The following SPO11 variants were observed in gnomAD, a reference collection of about 807,000 sequenced individuals.
The protein encoded by SPO11 is SPO11 initiator of meiotic double strand breaks.
Under a neutral mutation model 51.6 loss-of-function variants are expected in SPO11, and 49 were observed. The ratio of observed to expected loss-of-function variants is 0.95; its 90% confidence interval spans 0.75 to 1.20. SPO11 has a LOEUF of 1.20. Among genes scored for constraint, SPO11 ranks in the 50% most tolerant of loss-of-function variants. The pLI, the probability that SPO11 is intolerant of heterozygous loss-of-function variation, is 0.00. For missense variants in SPO11, 431 were observed against 473.4 expected (o/e 0.91, Z 0.83); for synonymous variants, 176 against 158.2 (o/e 1.11, Z -0.84).
At chr20:57,339,182 G>A (rs536305476) in intron 10 of SPO11, among the ~76,000 whole-genome samples, 156 bp downstream of exon 10, 10 of 152,074 alleles carry the variant, frequency 6.6e-5, no homozygotes, top group South Asian at 2.1e-4. Flanking sequence ...TCTGTGTGTC[G>A]GTGGCTGTGA....
At chr20:57,334,680 C>T (rs896246677) in intron 5 of SPO11, 70 bp from the exon 6 acceptor site, 12 of 1,240,340 alleles carry the variant, frequency 9.7e-6, no homozygotes, top group Admixed American at 4.0e-5. Flanking sequence ...CAGATGAACA[C>T]AAGGAGTGAC....
intron 8 of SPO11, 71 bp downstream of exon 8, chr20:57,335,978 C>T: frequency 2.4e-6 from 2 of 850,544 alleles, no homozygotes; most frequent in South Asian, 3.1e-5. Flanking sequence ...AGAGGATTTA[C>T]AATATTATCT....
chr20:57,339,895 C>T (rs1247158283), intron 10 of SPO11, among the ~76,000 whole-genome samples: 2 of 152,162 alleles, frequency 1.3e-5, no homozygotes, highest in Admixed American at 1.3e-4. Flanking sequence ...TGAGCCACCG[C>T]ACTTAACCCA....
At chr20:57,336,590 C>T (rs1177123158) in intron 8 of SPO11, among the ~76,000 whole-genome samples, 2 of 152,170 alleles carry the variant, frequency 1.3e-5, no homozygotes, top group African/African-American at 4.8e-5. Context: ...CATTCCGCCT[C>T]CTCTCCAGGG....
In SPO11 at chr20:57,343,569, G is replaced by C. The variant is rs955488380; in HGVS notation, c.*109G>C. ...ATATTATATTCTTAATTCTGTAAAA[G>C]TGAAATAAAATAACTTTCCGTTAAT... On this transcript the variant is annotated 3_prime_UTR_variant, in exon 13 of 13. Coordinates refer to ENST00000371263, the MANE Select transcript of SPO11 (RefSeq NM_012444.3). 8.2e-7 allele frequency: 1 copy of C among 1,219,670 alleles called. No homozygotes were observed. The highest frequency in any genetic ancestry group is 1.1e-6 in the Non-Finnish European group (1 of 904,090). 75.6% of individuals were successfully genotyped at this position (1,219,670 alleles called of 1,614,324 possible). A position where few individuals can be genotyped will look rare whatever the true frequency, so the allele number is the denominator to read the frequency against.
chr20:57,338,970 GTTAAC>G lies in SPO11; in HGVS notation c.845-16_845-12del. 6.9e-7 allele frequency: 1 copy of G among 1,439,244 alleles called. No homozygotes were observed. Among genetic ancestry groups the G allele is most frequent in the South Asian group, 1.3e-5 (1 of 79,310 alleles). 89.2% of individuals were successfully genotyped at this position (1,439,244 alleles called of 1,614,324 possible). A position where few individuals can be genotyped will look rare whatever the true frequency, so the allele number is the denominator to read the frequency against. ...AATATGTAAGGAGACTAATTTTATA[GTTAAC>G]TTTCTTTTAACAGGCATAGAAATAA... On this transcript the variant is annotated splice_polypyrimidine_tract_variant and intron_variant, in intron 9 of 12. Coordinates refer to ENST00000371263, the MANE Select transcript of SPO11 (RefSeq NM_012444.3).
chr20:57,329,894 G>A lies in SPO11; in HGVS notation c.27G>A (p.Glu9=). 2 of 1,613,874 alleles carry A rather than the reference G, an allele frequency of 1.2e-6. No individual in the cohort carries two copies. The highest frequency in any genetic ancestry group is 2.2e-5 in the South Asian group (2 of 91,084). The part of the protein sequence containing the change: MAFAPMGP[E]ASFFDVLDRH... ...TGGCCTTTGCACCTATGGGGCCCGA[G>A]GCCTCGTTCTTCGACGTTTTGGACC... Residue 9 remains glutamate (E), a synonymous_variant, in exon 1 of 13, where the codon GAG becomes GAA. Transcript: ENST00000371263.
intron 8 of SPO11, among the ~76,000 whole-genome samples, chr20:57,337,182 C>T (rs28368087): frequency 8.5e-5 from 13 of 152,176 alleles, no homozygotes; most frequent in African/African-American, 3.1e-4. Context: ...GGCTACTCTG[C>T]GCTCTTCCTC....
chr20:57,335,533 T>C lies in SPO11; in HGVS notation c.634+78T>C, dbSNP rs28368083. 1.5e-3 allele frequency: 2,117 copies of C among 1,425,974 alleles called. 22 individuals are homozygous for C. The African/African-American group carries it at 0.026, about 17-fold the overall frequency. 88.3% of individuals were successfully genotyped at this position (1,425,974 alleles called of 1,614,324 possible). The stretch of plus-strand genomic sequence containing the variant: ...TTAATTCCTTTGGTAAGCCAAGCCT[T>C]CATAATGTGTAAGGAACAAGTTAGG... On this transcript the variant is annotated intron_variant, in intron 7 of 12. Transcript: ENST00000371263.
intron 8 of SPO11, among the ~76,000 whole-genome samples, chr20:57,336,585 C>A (rs548870069): frequency 2.0e-5 from 3 of 152,120 alleles, no homozygotes. Flanking sequence ...GACTCCATTC[C>A]GCCTCCTCTC....
chr20:57,338,204 A>G (rs2066536428), intron 8 of SPO11, 72 bp from the exon 9 acceptor site: 2 of 1,128,612 alleles, frequency 1.8e-6, no homozygotes, highest in Admixed American at 4.1e-5. Flanking sequence ...CTTTTAAATT[A>G]TTAATAAGAG....
At chr20:57,342,872 T>G in intron 12 of SPO11, 32 bp downstream of exon 12, 1 of 1,476,278 alleles carries the variant, frequency 6.8e-7, no homozygotes, top group Non-Finnish European at 9.4e-7. Context: ...AAGTGTTGCA[T>G]GTTTAATTGT....
rs11476029 is a variant in SPO11 at position 57,337,724 on chromosome 20, A to AT, written c.745-543dup. ...TTCAGTCTGTTTGTATATAATGTAC[A>AT]TTTTTTTTTCACAGTCAACACCAGT... On this transcript the variant is annotated intron_variant, in intron 8 of 12. Coordinates refer to ENST00000371263, the MANE Select transcript of SPO11 (RefSeq NM_012444.3). The AT allele has an allele frequency of 1.1e-3, 1,441 of 1,278,096 alleles. 5 individuals carry two copies. Among genetic ancestry groups the AT allele is most frequent in the South Asian group, 4.5e-3 (364 of 80,640 alleles). 79.2% of individuals were successfully genotyped at this position (1,278,096 alleles called of 1,614,324 possible).
chr20:57,341,251 G>A (rs534096163), intron 11 of SPO11, among the ~76,000 whole-genome samples: 2 of 152,236 alleles, frequency 1.3e-5, no homozygotes, highest in Middle Eastern at 3.4e-3. Flanking sequence ...CTGATAGGTC[G>A]TGCTTTGATG....
chr20:57,332,056 CA>C (rs554347728), intron 2 of SPO11, 110 bp downstream of exon 2: 163 of 569,184 alleles, frequency 2.9e-4, no homozygotes, highest in South Asian at 4.8e-4. Flanking sequence ...TTTACCTTGC[CA>C]AAAAAAAGGA....
chr20:57,334,647 A>C (rs2066489840), intron 5 of SPO11, 103 bp from the exon 6 acceptor site: 2 of 788,208 alleles, frequency 2.5e-6, no homozygotes, highest in Non-Finnish European at 4.0e-6. Context: ...ATTTCAATCC[A>C]AGTGAAAATG....
At chr20:57,333,930 T>G (rs1335085621) in intron 4 of SPO11, 57 bp from the exon 5 acceptor site, 1 of 1,093,914 alleles carries the variant, frequency 9.1e-7, no homozygotes, top group East Asian at 2.6e-5. Flanking sequence ...ACTGTAATAC[T>G]TGTCATATTC....
chr20:57,331,441 TATATC>T (rs1423429960), intron 1 of SPO11, among the ~76,000 whole-genome samples: 1 of 152,236 alleles, frequency 6.6e-6, no homozygotes, highest in Non-Finnish European at 1.5e-5. Flanking sequence ...AATTAAAACA[TATATC>T]AGTAGTATGT....
At chr20:57,337,094 A>C (rs1294082701) in intron 8 of SPO11, among the ~76,000 whole-genome samples, 1 of 152,148 alleles carries the variant, frequency 6.6e-6, no homozygotes, top group Non-Finnish European at 1.5e-5. Flanking sequence ...AAACTTGCCC[A>C]ACATCACACC....
Sources: gnomAD v4.1 joint callset for allele counts (sites outside exome capture counted in the v4.1 genomes callset) on GRCh38, gnomAD v4.1.1 for gene constraint, MANE v1.5 for transcripts, NCBI Gene and HGNC (gene_info 2026-07-23, HGNC 2026-07-21) for gene names.